CYFIP2: variants seen among roughly 807,000 people sequenced by gnomAD.
CYFIP2 encodes the protein cytoplasmic FMR1 interacting protein 2, also known as cytoplasmic FMR1-interacting protein 2.
Under a neutral mutation model 158.7 loss-of-function variants are expected in CYFIP2, and 29 were observed. The ratio of observed to expected loss-of-function variants is 0.18; its 90% CI spans 0.14 to 0.25. CYFIP2 has a LOEUF of 0.25. Among genes scored for constraint, CYFIP2 ranks in the 10% least tolerant of loss-of-function variants. The probability of loss-of-function intolerance (pLI) is 1.00; values close to 1 mark genes in which losing one functional copy is unlikely to be tolerated. For missense variants in CYFIP2, 852 were observed against 1,639.5 expected, an observed-to-expected ratio of 0.52 and a Z score of 8.29; for synonymous variants, 585 against 617.6, an observed-to-expected ratio of 0.95 and a Z score of 0.78.
At chr5:157,315,565 G>C (rs1325510093) in intron 13 of CYFIP2, among the ~76,000 whole-genome samples, 3 of 152,198 alleles carry the variant, frequency 2.0e-5, no homozygotes, top group Admixed American at 1.3e-4. Context: ...CTTTCTATGA[G>C]AGCAATCTGA....
In CYFIP2 at chr5:157,311,185, G is replaced by A; in HGVS notation, c.993-479G>A. On this transcript the variant is annotated intron_variant, in intron 10 of 30. Coordinates refer to ENST00000620254, the MANE Select transcript of CYFIP2 (RefSeq NM_001037333.3). This position sits in a 1 kb window ranked among gnomAD's most constrained non-coding sequence, Gnocchi z 4.7. Reference sequence around the variant, plus strand: ...ACCACAGTGTGCTTCCATGTTGCCAGGGCACTGTTGGAAAAGAGGCACAGT... The same window carrying A: ...ACCACAGTGTGCTTCCATGTTGCCAAGGCACTGTTGGAAAAGAGGCACAGT... 2 of 430,532 alleles carry A rather than the reference G, an allele frequency of 4.6e-6. No homozygotes were observed. Among genetic ancestry groups the A allele is most frequent in the South Asian group, 3.2e-5 (2 of 61,566 alleles). The allele number at this position is 430,532 out of a possible 1,614,324, so 26.7% of individuals were successfully genotyped here.
chr5:157,303,070 G>A, intron 7 of CYFIP2, 180 bp downstream of exon 7: 1 of 558,962 alleles, frequency 1.8e-6, no homozygotes, highest in African/African-American at 1.9e-5. Flanking sequence ...ACCCCAGGTG[G>A]CCGATTCACC....
intron 10 of CYFIP2, among the ~76,000 whole-genome samples, chr5:157,310,403 G>A (rs1355489815): frequency 6.6e-6 from 1 of 152,138 alleles, no homozygotes; most frequent in African/African-American, 2.4e-5. Context: ...CTTCTCGCCC[G>A]AAGTTATGGC....
At chr5:157,314,121 T>C (rs754717351) in intron 11 of CYFIP2, among the ~76,000 whole-genome samples, 1 of 152,208 alleles carries the variant, frequency 6.6e-6, no homozygotes, top group Non-Finnish European at 1.5e-5. Context: ...TATGTAGGTA[T>C]ATGTTCCTGA....
chr5:157,340,251 C>T (rs1052373521), intron 22 of CYFIP2, among the ~76,000 whole-genome samples: 5 of 152,214 alleles, frequency 3.3e-5, no homozygotes, highest in African/African-American at 1.2e-4. Flanking sequence ...TATTCATCTG[C>T]AGATCTTCTA....
chr5:157,383,295 G>T lies in CYFIP2; in HGVS notation c.3143G>T (p.Arg1048Leu). The stretch of plus-strand genomic sequence containing the variant: ...GAGCGCCTGGAGGTCCGGATGAAAC[G>T]TCTGGAAGCCAAGTATGCCCCGCTC... The part of the protein sequence containing the change: ...EGERLEVRMK[R>L]LEAKYAPLHL... Residue 1048 changes from arginine to leucine, a missense_variant, in exon 28 of 31, where the codon CGT becomes CTT. Around this residue, in one of 8 missense-constraint regions of CYFIP2, gnomAD observed 223 missense variants for 381.6 expected, o/e 0.58. Transcript: ENST00000620254. The T allele has an allele frequency of 6.2e-7, 1 of 1,613,870 alleles. No homozygotes were observed. Among genetic ancestry groups the T allele is most frequent in the Non-Finnish European group, 8.5e-7 (1 of 1,179,844 alleles).
Position 157,312,528 on chromosome 5 carries a change from C to T in CYFIP2, c.1110+747C>T, listed in dbSNP as rs1402708247. ...ATATGCTGTTTGATAAACACTAATC[C>T]CCTGACTCAGATTCCTTTATTACAT... On this transcript the variant is annotated intron_variant, in intron 11 of 30. Coordinates refer to ENST00000620254, the MANE Select transcript of CYFIP2 (RefSeq NM_001037333.3). Among the ~76,000 whole-genome samples, 6 of 152,086 alleles carry T rather than the reference C, an allele frequency of 3.9e-5. No individual in the cohort carries two copies. The East Asian group carries it at 1.2e-3, about 29-fold the overall frequency.
intron 23 of CYFIP2, among the ~76,000 whole-genome samples, chr5:157,351,802 G>A (rs950022728): frequency 1.3e-5 from 2 of 152,194 alleles, no homozygotes; most frequent in Non-Finnish European, 2.9e-5. Flanking sequence ...GGACTTCATA[G>A]TATGGTGGAC....
chr5:157,273,892 T>C (rs938725673), intron 1 of CYFIP2, among the ~76,000 whole-genome samples: 4 of 152,088 alleles, frequency 2.6e-5, no homozygotes, highest in African/African-American at 9.7e-5. Flanking sequence ...CCCAGCACTT[T>C]GGGAGGTCAA....
chr5:157,373,967 G>A (rs1765230870), intron 26 of CYFIP2, among the ~76,000 whole-genome samples: 1 of 152,178 alleles, frequency 6.6e-6, no homozygotes, highest in African/African-American at 2.4e-5. Flanking sequence ...ATTTTCCAGA[G>A]GACAGTCTTT....
At chr5:157,320,262 GAGTA>G (rs544129691) in intron 14 of CYFIP2, among the ~76,000 whole-genome samples, 97 of 152,328 alleles carry the variant, frequency 6.4e-4, no homozygotes, top group African/African-American at 2.2e-3. Flanking sequence ...ATGCAGCATG[GAGTA>G]AGTATGCAGC....
At chr5:157,347,759 A>T (rs937675669) in intron 23 of CYFIP2, among the ~76,000 whole-genome samples, 25 of 152,378 alleles carry the variant, frequency 1.6e-4, no homozygotes, top group African/African-American at 5.8e-4. Context: ...TCCACTGTGG[A>T]ATTAAGATAC....
intron 23 of CYFIP2, among the ~76,000 whole-genome samples, chr5:157,354,396 T>C (rs1763274517): frequency 1.3e-5 from 2 of 152,152 alleles, no homozygotes; most frequent in East Asian, 1.9e-4. Flanking sequence ...ATTCTTGTTT[T>C]TCTTTGCCAA....
chr5:157,339,168 G>C lies in CYFIP2; in HGVS notation c.2497G>C (p.Ala833Pro). The C allele has an allele frequency of 6.2e-7, 1 of 1,613,944 alleles. No homozygotes were observed. Among genetic ancestry groups the C allele is most frequent in the Non-Finnish European group, 8.5e-7 (1 of 1,179,896 alleles). Reference protein sequence around the residue: ...MFREANHNVSAPYGRITLHVF... With the variant: ...MFREANHNVSPPYGRITLHVF... ...CCGAGAGGCCAATCACAATGTGTCC[G>C]CCCCCTATGGCCGTATCACCCTGCA... Residue 833 changes from alanine to proline, a missense_variant, in exon 22 of 31, where the codon GCC (alanine) becomes CCC (proline). Ala to Pro is a conservative substitution (Grantham distance 27, BLOSUM62 -1). This residue lies in a region of CYFIP2 where 191 missense variants were observed against 311.2 expected (regional missense o/e 0.61). Transcript: ENST00000620254.
At chr5:157,321,503 A>G (rs960672709) in intron 15 of CYFIP2, among the ~76,000 whole-genome samples, 5 of 152,192 alleles carry the variant, frequency 3.3e-5, no homozygotes, top group African/African-American at 1.2e-4. Context: ...ACAGAAAAAA[A>G]AGTCAATAAT....
Position 157,287,105 on chromosome 5 carries a change from C to T in CYFIP2, c.204C>T (p.Ser68=), listed in dbSNP as rs779373166. The T allele has an allele frequency of 1.4e-5, 22 of 1,612,758 alleles. No individual in the cohort carries two copies. In the East Asian group the frequency reaches 4.9e-4, roughly 36 times the overall value. The part of the protein sequence containing the change: ...RYIEQATVHS[S]MNEMLEEGHE... ...TTGAGCAGGCTACAGTCCACTCCAG[C>T]ATGGTAAGTCTCTGTGACCCACGTG... is the stretch of plus-strand genomic sequence containing the variant. Residue 68 remains serine (S), a synonymous_variant, in exon 3 of 31, where the codon AGC becomes AGT. Coordinates refer to ENST00000620254, the MANE Select transcript of CYFIP2 (RefSeq NM_001037333.3).
intron 26 of CYFIP2, among the ~76,000 whole-genome samples, chr5:157,372,840 C>T (rs1456560022): frequency 6.6e-6 from 1 of 152,154 alleles, no homozygotes; most frequent in African/African-American, 2.4e-5. Context: ...AGCCACCCTC[C>T]TCCCATTGGC....
chr5:157,383,129 C>A (rs780355870), intron 27 of CYFIP2, 136 bp from the exon 28 acceptor site: 4 of 701,842 alleles, frequency 5.7e-6, no homozygotes, highest in Non-Finnish European at 7.4e-6. Flanking sequence ...CTTTCCAGAA[C>A]GAAGGAGAGC....
At chr5:157,366,928 T>G (rs994035834) in intron 26 of CYFIP2, among the ~76,000 whole-genome samples, 1 of 152,184 alleles carries the variant, frequency 6.6e-6, no homozygotes, top group African/African-American at 2.4e-5. Flanking sequence ...GGGACCTATT[T>G]GTACGTGTGA....
Sources: allele counts gnomAD v4.1 joint callset (sites outside exome capture counted in the v4.1 genomes callset), GRCh38; gene constraint gnomAD v4.1.1; regional missense constraint gnomAD v4.1.1; non-coding constraint Gnocchi (gnomAD v3.1); transcripts MANE v1.5; gene names NCBI Gene and HGNC (gene_info 2026-07-23, HGNC 2026-07-21).